The following TMEM79 variants were observed in gnomAD, a reference collection of about 807,000 sequenced individuals.
The protein encoded by TMEM79 is transmembrane protein 79, also known as mattrin.
In TMEM79, 30 loss-of-function variants were observed where a neutral mutation model predicts 31.2. That is an observed-to-expected ratio of 0.96 (90% CI 0.72 to 1.30). The LOEUF (loss-of-function observed/expected upper bound fraction) is 1.30, where lower values mean the gene tolerates loss of function less well. Ranked by LOEUF, TMEM79 falls within the 50% of genes most tolerant of loss-of-function variation. The pLI is 0.00. For missense variants in TMEM79, 509 were observed against 528.2 expected (o/e 0.96, Z 0.36); for synonymous variants, 213 against 229.5 (o/e 0.93, Z 0.65).
At chr1:156,291,029 ACT>A in intron 3 of TMEM79, 1 of 244,848 alleles carries the variant, frequency 4.1e-6, no homozygotes. Context: ...AATCCCAGCT[ACT>A]CAGGAGTCTG....
intron 3 of TMEM79, 141 bp downstream of exon 3, chr1:156,286,614 C>A: frequency 1.2e-6 from 1 of 803,960 alleles, no homozygotes; most frequent in African/African-American, 1.7e-5. Context: ...ATAAGTCCAC[C>A]TTCTCTCTTG....
chr1:156,284,841 T>C (rs1194831631), intron 1 of TMEM79, among the ~76,000 whole-genome samples: 1 of 152,162 alleles, frequency 6.6e-6, no homozygotes, highest in Non-Finnish European at 1.5e-5. Flanking sequence ...CTGCCTCCTA[T>C]TCCTGCATTA....
At chr1:156,290,853 T>A (rs4997909) in intron 3 of TMEM79, 31,610 of 86,476 alleles carry the variant, frequency 0.37, 3,582 homozygotes, top group Admixed American at 0.5. Context: ...AATAATAATT[T>A]AAAAAATCAC....
chr1:156,287,241 C>A (rs980750017), intron 3 of TMEM79, among the ~76,000 whole-genome samples: 1 of 151,998 alleles, frequency 6.6e-6, no homozygotes, highest in Admixed American at 6.6e-5. Context: ...AAGGTGAAAC[C>A]CCAGGTCTAC....
At position 156,291,636 on chromosome 1, in the gene TMEM79, C is replaced by T; in HGVS notation, c.*38C>T. 1 of 1,591,876 alleles carries T rather than the reference C, an allele frequency of 6.3e-7. No individual in the cohort carries two copies. The highest frequency in any genetic ancestry group is 8.6e-7 in the Non-Finnish European group (1 of 1,161,840). On this transcript the variant is annotated 3_prime_UTR_variant, in exon 4 of 4. Transcript: ENST00000405535. ...TCGCCCTCGGAGTAGGGGGTAGCGG[C>T]TTGGGTCTGACACATCTTTGAACCT...
In TMEM79 at chr1:156,291,578, A is replaced by T; in HGVS notation, c.1165A>T (p.Arg389Trp). Residue 389 changes from arginine to tryptophan, a missense_variant, in exon 4 of 4, where the codon AGG (arginine) becomes TGG (tryptophan). Physicochemically the swap from Arg to Trp is moderately radical, Grantham distance 101 (BLOSUM62 -3). Transcript: ENST00000405535. ...CCACGCCCGCTCGGCCTCCGACTAC[A>T]GGCCCCGCCCCTGGGGCTGAGCCTC... ...PDHARSASDY[R>W]PRPWG 2 of 1,611,146 alleles carry T rather than the reference A, an allele frequency of 1.2e-6. No homozygotes were observed. Among genetic ancestry groups the T allele is most frequent in the Non-Finnish European group, 1.7e-6 (2 of 1,179,892 alleles).
chr1:156,285,602 G>A lies in TMEM79; in HGVS notation c.376G>A (p.Ala126Thr). Reference protein sequence around the residue: ...DDANLLPEKAARAFVPIDLQC... With the variant: ...DDANLLPEKATRAFVPIDLQC... ...TGCCAACCTGCTGCCTGAGAAAGCGGCCCGTGCCTTCGTGCCTATTGACCT... is the reference window on the plus strand; with the variant it reads ...TGCCAACCTGCTGCCTGAGAAAGCGACCCGTGCCTTCGTGCCTATTGACCT... The change falls in exon 2 of 4, where the codon GCC (alanine) becomes ACC (threonine). Residue 126 changes from alanine (A) to threonine (T), a missense_variant. By Grantham distance (58) the Ala-to-Thr change is moderately conservative. Coordinates refer to ENST00000405535, the MANE Select transcript of TMEM79 (RefSeq NM_032323.3). 1.2e-6 allele frequency: 2 copies of A among 1,614,226 alleles called. No homozygotes were observed. The highest frequency in any genetic ancestry group is 8.5e-7 in the Non-Finnish European group (1 of 1,180,046).
At position 156,291,533 on chromosome 1, in the gene TMEM79, A is replaced by G. The variant is rs555987154; in HGVS notation, c.1120A>G (p.Ser374Gly). 3 of 1,610,112 alleles carry G rather than the reference A, an allele frequency of 1.9e-6. No homozygotes were observed. The highest frequency in any genetic ancestry group is 3.3e-4 in the Middle Eastern group (2 of 6,062). The part of the protein sequence containing the change: ...EPERMLTATE[S>G]RLDYPDHARS... ...GGAGCGCATGCTCACTGCCACCGAG[A>G]GCCGCCTGGACTACCCGGACCACGC... Residue 374 changes from serine to glycine, a missense_variant, in exon 4 of 4, where the codon AGC (serine) becomes GGC (glycine). Transcript: ENST00000405535.
chr1:156,288,528 G>A (rs1200972147), intron 3 of TMEM79, among the ~76,000 whole-genome samples: 1 of 151,824 alleles, frequency 6.6e-6, no homozygotes, highest in Non-Finnish European at 1.5e-5. Context: ...AGTAGAGACA[G>A]GGTTTCAACA....
rs1197894501 is a variant in TMEM79 at position 156,286,368 on chromosome 1, A to T, written c.866A>T (p.Gln289Leu). The T allele has an allele frequency of 1.2e-6, 2 of 1,614,084 alleles. No individual in the cohort carries two copies. The highest frequency in any genetic ancestry group is 1.7e-6 in the Non-Finnish European group (2 of 1,180,040). ...CGGCGATATGTGGCCCAGTCGGTCC[A>T]GCTCTTTATTCTCTACTTCTTCAAC... ...IHRRYVAQSV[Q>L]LFILYFFNLA... The change falls in exon 3 of 4, where the codon CAG becomes CTG. Residue 289 changes from glutamine to leucine, a missense_variant. Gln to Leu is a moderately radical substitution (Grantham distance 113). Transcript: ENST00000405535.
At chr1:156,288,527 A>G (rs1240140819) in intron 3 of TMEM79, among the ~76,000 whole-genome samples, 1 of 151,782 alleles carries the variant, frequency 6.6e-6, no homozygotes, top group Non-Finnish European at 1.5e-5. Flanking sequence ...TAGTAGAGAC[A>G]GGGTTTCAAC....
rs1572611371 is a variant in TMEM79, at chr1:156,291,447, C to A, written c.1034C>A (p.Thr345Lys). 2 of 1,613,874 alleles carry A rather than the reference C, an allele frequency of 1.2e-6. No individual in the cohort carries two copies. The highest frequency in any genetic ancestry group is 2.7e-5 in the African/African-American group (2 of 74,924). The stretch of plus-strand genomic sequence containing the variant: ...TTCCGAGGCTTCGGCTACGGCCTGA[C>A]GTTTCTGCCACTGCTGTCGATGCTG... ...RSFRGFGYGL[T>K]FLPLLSMLMW... Residue 345 changes from threonine to lysine, a missense_variant, in exon 4 of 4, where the codon ACG (threonine) becomes AAG (lysine). Transcript: ENST00000405535.
At chr1:156,283,084 G>T, upstream of TMEM79, 1 of 393,404 alleles carries the variant, frequency 2.5e-6, no homozygotes, top group East Asian at 3.7e-5. Flanking sequence ...ACAGCTAGGA[G>T]CGTGACTGCT....
chr1:156,286,063 A>C, intron 2 of TMEM79, 80 bp downstream of exon 2: 1 of 1,533,028 alleles, frequency 6.5e-7, no homozygotes, highest in Non-Finnish European at 8.8e-7. Flanking sequence ...GAGCAGGAGG[A>C]TTTCCCTTCA....
chr1:156,283,265 A>C (rs1034393175), upstream of TMEM79, among the ~76,000 whole-genome samples: 6 of 152,244 alleles, frequency 3.9e-5, no homozygotes, highest in Admixed American at 2.6e-4. Flanking sequence ...GCCGAGCATC[A>C]CATAGGAGTA....
chr1:156,288,457 C>T (rs958616937), intron 3 of TMEM79, among the ~76,000 whole-genome samples: 2 of 151,992 alleles, frequency 1.3e-5, no homozygotes, highest in East Asian at 3.9e-4. Context: ...GCCTCAGCCC[C>T]CCGAGTAGCT....
chr1:156,283,684 C>T (rs142661706), upstream of TMEM79, among the ~76,000 whole-genome samples: 1,157 of 152,224 alleles, frequency 7.6e-3, 10 homozygotes, highest in Middle Eastern at 0.02. Flanking sequence ...ACATAAATTG[C>T]CCTTCTACCA....
At chr1:156,286,158 A>G (rs958266925) in intron 2 of TMEM79, 102 bp from the exon 3 acceptor site, 23 of 1,378,138 alleles carry the variant, frequency 1.7e-5, no homozygotes, top group Non-Finnish European at 2.3e-5. Context: ...CCCACTGTGT[A>G]GAGCCCATGC....
In TMEM79 at chr1:156,289,875, C is replaced by T. The variant is rs149332085; in HGVS notation, c.972-1510C>T. 2.0e-4 allele frequency among the ~76,000 whole-genome samples: 30 copies of T among 152,326 alleles called. No individual in the cohort carries two copies. The East Asian group carries it at 5.2e-3, about 26-fold the overall frequency. ...CCACGAAATCTGTGGCTGACCCATC[C>T]TCTGGGCTTCAAGCCCTCCTAGAGG... On this transcript the variant is annotated intron_variant, in intron 3 of 3. Transcript: ENST00000405535.
Sources: allele counts gnomAD v4.1 joint callset (sites outside exome capture counted in the v4.1 genomes callset), GRCh38; gene constraint gnomAD v4.1.1; transcripts MANE v1.5; gene names NCBI Gene and HGNC (gene_info 2026-07-23, HGNC 2026-07-21).